The following ADAMTS3 variants were observed in gnomAD, a reference collection of about 807,000 sequenced individuals.
The protein encoded by ADAMTS3 is ADAM metallopeptidase with thrombospondin type 1 motif 3.
ADAMTS3 carries 73 observed loss-of-function variants against 129.0 expected under a neutral mutation model. That is an observed-to-expected ratio of 0.57 (90% CI 0.47 to 0.69). ADAMTS3 has a LOEUF of 0.69. Ranked by LOEUF, ADAMTS3 falls within the 30% of genes least tolerant of loss-of-function variation. The pLI is 0.00. For missense variants in ADAMTS3, 1,457 were observed against 1,514.5 expected (o/e 0.96, Z 0.63); for synonymous variants, 477 against 510.8 (o/e 0.93, Z 0.89).
At chr4:72,342,977 A>G (rs1720178247) in intron 4 of ADAMTS3, among the ~76,000 whole-genome samples, 1 of 152,196 alleles carries the variant, frequency 6.6e-6, no homozygotes, top group South Asian at 2.1e-4. Context: ...GCAAAAGAAG[A>G]AAAAGGAGAA....
intron 3 of ADAMTS3, among the ~76,000 whole-genome samples, chr4:72,541,047 C>T (rs1721310304): frequency 6.6e-6 from 1 of 152,192 alleles, no homozygotes; most frequent in Admixed American, 6.5e-5. Context: ...CAACAGCTTG[C>T]ACCACATGCC....
At chr4:72,517,777 CA>C (rs1234105921) in intron 3 of ADAMTS3, among the ~76,000 whole-genome samples, 6 of 151,470 alleles carry the variant, frequency 4.0e-5, no homozygotes, top group Admixed American at 3.3e-4. Flanking sequence ...TTGATCCTTT[CA>C]AAAAACCAGC....
intron 15 of ADAMTS3, 129 bp downstream of exon 15, chr4:72,309,267 GA>G (rs1719165853): frequency 1.2e-6 from 1 of 867,382 alleles, no homozygotes; most frequent in African/African-American, 1.7e-5. Context: ...AAGGTAATCT[GA>G]ATAACAATAA....
At chr4:72,538,584 C>T (rs1213009402) in intron 3 of ADAMTS3, among the ~76,000 whole-genome samples, 1 of 152,000 alleles carries the variant, frequency 6.6e-6, no homozygotes, top group African/African-American at 2.4e-5. Context: ...TAAATACAGG[C>T]TGAAGGAGTT....
rs533688759 is a variant in ADAMTS3, at chr4:72,500,855, T to C, written c.504+47623A>G. On this transcript the variant is annotated intron_variant, in intron 3 of 21. Coordinates refer to ENST00000286657, the MANE Select transcript of ADAMTS3 (RefSeq NM_014243.3). ...TGGCTAGCCAGCTATTCCAGCACCA[T>C]TTATTAAATAGGGGGTCCTTTCCCT... Among the ~76,000 whole-genome samples, 10 of 152,290 alleles carry C rather than the reference T, an allele frequency of 6.6e-5. No homozygotes were observed. In the South Asian group the frequency reaches 1.9e-3, roughly 28 times the overall value.
chr4:72,377,602 A>T (rs1721165296), intron 4 of ADAMTS3, among the ~76,000 whole-genome samples: 2 of 152,176 alleles, frequency 1.3e-5, no homozygotes, highest in Admixed American at 1.3e-4. Flanking sequence ...AAAGCTGCGT[A>T]AACTTTCCTT....
intron 4 of ADAMTS3, among the ~76,000 whole-genome samples, chr4:72,349,776 T>A (rs1040585819): frequency 1.3e-5 from 2 of 152,042 alleles, no homozygotes; most frequent in Non-Finnish European, 2.9e-5. Flanking sequence ...CTACTTGCAA[T>A]AAAATTTTAC....
chr4:72,295,520 T>C lies in ADAMTS3; in HGVS notation c.2723+134A>G, dbSNP rs1375766389. The C allele has an allele frequency of 7.9e-6, 7 of 886,328 alleles. No homozygotes were observed. In the Admixed American group the frequency reaches 1.1e-4, roughly 14 times the overall value. The allele number at this position is 886,328 out of a possible 1,614,324, so 54.9% of individuals were successfully genotyped here. On this transcript the variant is annotated intron_variant, in intron 19 of 21. Transcript: ENST00000286657. ...CAGAACTGCAGCTTTATATAATTCC[T>C]GTGAAGTGACTTGACTATTTAAACC...
At chr4:72,337,966 G>T (rs1720031761) in intron 5 of ADAMTS3, among the ~76,000 whole-genome samples, 1 of 152,056 alleles carries the variant, frequency 6.6e-6, no homozygotes, top group Non-Finnish European at 1.5e-5. Context: ...TAGAAAAAAA[G>T]TAGCCCAGGG....
chr4:72,426,326 C>T (rs1020876066), intron 3 of ADAMTS3, among the ~76,000 whole-genome samples: 1 of 152,140 alleles, frequency 6.6e-6, no homozygotes, highest in Non-Finnish European at 1.5e-5. Context: ...TGTGCAGAAG[C>T]TCTTTAGTTT....
At chr4:72,381,834 A>C (rs945790077) in intron 4 of ADAMTS3, among the ~76,000 whole-genome samples, 3 of 152,222 alleles carry the variant, frequency 2.0e-5, no homozygotes, top group African/African-American at 7.2e-5. Context: ...AGTAATTACA[A>C]TAATATAAGA....
At chr4:72,433,574 A>T (rs1013603254) in intron 3 of ADAMTS3, among the ~76,000 whole-genome samples, 2 of 151,818 alleles carry the variant, frequency 1.3e-5, no homozygotes, top group Admixed American at 6.6e-5. Flanking sequence ...ATTCTCCTAA[A>T]TTTTTTCCCC....
At chr4:72,532,617 G>A (rs755820970) in intron 3 of ADAMTS3, among the ~76,000 whole-genome samples, 1 of 152,036 alleles carries the variant, frequency 6.6e-6, no homozygotes, top group East Asian at 1.9e-4. Flanking sequence ...TGCATTAGGT[G>A]ATTTCATCAC....
chr4:72,457,876 T>A (rs968473081), intron 3 of ADAMTS3, among the ~76,000 whole-genome samples: 5 of 151,602 alleles, frequency 3.3e-5, no homozygotes, highest in African/African-American at 1.2e-4. Context: ...GTTTATGAAG[T>A]AAACTCATTA....
intron 4 of ADAMTS3, among the ~76,000 whole-genome samples, chr4:72,344,604 A>G (rs1720230166): frequency 1.3e-5 from 2 of 152,182 alleles, no homozygotes; most frequent in South Asian, 4.1e-4. Context: ...TAAGCCAATG[A>G]GATCTAAGCA....
At chr4:72,299,034 CCCT>C (rs994453176) in intron 17 of ADAMTS3, among the ~76,000 whole-genome samples, 1 of 148,938 alleles carries the variant, frequency 6.7e-6, no homozygotes, top group African/African-American at 2.5e-5. Context: ...TTGTGATAGT[CCCT>C]CAAGATATTT....
intron 4 of ADAMTS3, among the ~76,000 whole-genome samples, chr4:72,365,540 T>C (rs1720849585): frequency 6.6e-6 from 1 of 152,182 alleles, no homozygotes. Context: ...TACAGTCCTG[T>C]AGGTTGTGCA....
At chr4:72,481,286 C>T (rs1308159674) in intron 3 of ADAMTS3, among the ~76,000 whole-genome samples, 1 of 152,046 alleles carries the variant, frequency 6.6e-6, no homozygotes, top group Non-Finnish European at 1.5e-5. Flanking sequence ...AATCAGTATA[C>T]CTAATTTCAA....
chr4:72,535,648 GCCACTTCTTTCTTCATT>G (rs1721167572), intron 3 of ADAMTS3, among the ~76,000 whole-genome samples: 1 of 152,040 alleles, frequency 6.6e-6, no homozygotes, highest in Non-Finnish European at 1.5e-5. Context: ...ACACCCCTAT[GCCACTTCTTTCTTCATT>G]CCTTTCAATT....
Sources: gnomAD v4.1 joint callset for allele counts (sites outside exome capture counted in the v4.1 genomes callset) on GRCh38, gnomAD v4.1.1 for gene constraint, MANE v1.5 for transcripts, NCBI Gene and HGNC (gene_info 2026-07-23, HGNC 2026-07-21) for gene names.